Variants in MYRIP observed in about 807,000 individuals in gnomAD.
The protein encoded by MYRIP is myosin VIIA and Rab interacting protein.
Under a neutral mutation model 98.0 loss-of-function variants are expected in MYRIP, and 49 were observed. The observed-to-expected ratio is 0.50, with a 90% CI of 0.40 to 0.63. MYRIP has a LOEUF of 0.63. MYRIP is among the 30% of genes least tolerant of loss of function. The pLI, the probability that MYRIP is intolerant of heterozygous loss-of-function variation, is 0.00. For missense variants in MYRIP, 1,004 were observed against 1,058.2 expected, an observed-to-expected ratio of 0.95 and a Z score of 0.71; for synonymous variants, 404 against 409.5, an observed-to-expected ratio of 0.99 and a Z score of 0.16.
At chr3:40,116,334 C>G (rs1255008224) in intron 3 of MYRIP, among the ~76,000 whole-genome samples, 3 of 152,162 alleles carry the variant, frequency 2.0e-5, no homozygotes, top group African/African-American at 7.2e-5. Context: ...GAACAACTTA[C>G]ATTGCCCCCC....
At chr3:40,036,257 A>G (rs1947379794) in intron 2 of MYRIP, among the ~76,000 whole-genome samples, 1 of 147,492 alleles carries the variant, frequency 6.8e-6, no homozygotes, top group African/African-American at 2.5e-5. Context: ...GTCTTCTACA[A>G]AGGAAGAATT....
chr3:40,114,387 G>T (rs1489436641), intron 3 of MYRIP, among the ~76,000 whole-genome samples: 1 of 152,184 alleles, frequency 6.6e-6, no homozygotes, highest in Non-Finnish European at 1.5e-5. Context: ...ATTCTATGAT[G>T]CTCTCACAAT....
chr3:40,208,972 A>T (rs2125663896), intron 10 of MYRIP: 1 of 152,354 alleles, frequency 6.6e-6, no homozygotes, highest in Middle Eastern at 3.4e-3. Context: ...ACAGTAAGAG[A>T]ACTGTAGTTA....
At chr3:40,084,998 G>A (rs937358695) in intron 3 of MYRIP, among the ~76,000 whole-genome samples, 6 of 150,438 alleles carry the variant, frequency 4.0e-5, no homozygotes, top group African/African-American at 1.5e-4. Flanking sequence ...ATATATATCT[G>A]TGTTATATAT....
At position 40,183,649 on chromosome 3, in the gene MYRIP, C is replaced by T. The variant is rs114035963; in HGVS notation, c.1027+1276C>T. On this transcript the variant is annotated intron_variant, in intron 9 of 16. Transcript: ENST00000302541. ...TTCCCCCAACCCCTGCACAGGTCTA[C>T]TCCTCTCTTCCTATTTCCTGCATAC... is the stretch of plus-strand genomic sequence containing the variant. Among the ~76,000 whole-genome samples, 749 of 152,324 alleles carry T rather than the reference C, an allele frequency of 4.9e-3. 10 individuals are homozygous for T. The highest frequency in any genetic ancestry group is 0.017 in the African/African-American group (727 of 41,576).
chr3:39,915,027 C>T lies in MYRIP; in HGVS notation c.110+14101C>T, dbSNP rs1188681864. ...TGATTTACATATTTTGTCATTGGAT[C>T]ATAACATTTCTACATGGAAGAACAA... On this transcript the variant is annotated intron_variant, in intron 2 of 16. Transcript: ENST00000302541. 2.6e-5 allele frequency among the ~76,000 whole-genome samples: 4 copies of T among 151,982 alleles called. No individual in the cohort carries two copies. The East Asian group carries it at 7.7e-4, about 29-fold the overall frequency.
intron 2 of MYRIP, among the ~76,000 whole-genome samples, chr3:39,916,410 A>AC (rs1031113577): frequency 3.6e-5 from 3 of 83,926 alleles, no homozygotes; most frequent in Non-Finnish European, 7.3e-5. Flanking sequence ...ATTGAGAACA[A>AC]AAAAAAAAAA....
chr3:40,187,567 A>G (rs980307818), intron 9 of MYRIP, among the ~76,000 whole-genome samples: 2 of 152,226 alleles, frequency 1.3e-5, no homozygotes, highest in Admixed American at 6.5e-5. Flanking sequence ...CGAGGCACAG[A>G]GGATCACATA....
At chr3:40,211,639 G>A (rs1030486149) in intron 11 of MYRIP, among the ~76,000 whole-genome samples, 1 of 152,124 alleles carries the variant, frequency 6.6e-6, no homozygotes, top group African/African-American at 2.4e-5. Flanking sequence ...TTGTACGCTG[G>A]AGCTTAGAGC....
chr3:40,161,343 C>T (rs1204380801), intron 4 of MYRIP, among the ~76,000 whole-genome samples: 2 of 152,172 alleles, frequency 1.3e-5, no homozygotes, highest in Non-Finnish European at 2.9e-5. Context: ...CAGGGCTTGT[C>T]CTCTGGTGAG....
intron 1 of MYRIP, among the ~76,000 whole-genome samples, chr3:39,866,646 C>A (rs1405734967): frequency 6.6e-6 from 1 of 152,032 alleles, no homozygotes; most frequent in Admixed American, 6.6e-5. Flanking sequence ...AAGATCTGTA[C>A]ATTGAAAATT....
chr3:40,239,735 C>A (rs1334087736), intron 12 of MYRIP, among the ~76,000 whole-genome samples: 198 of 147,136 alleles, frequency 1.3e-3, no homozygotes, highest in Non-Finnish European at 2.0e-3. Context: ...ATGTCCTTTG[C>A]CCACTTTTTG....
intron 1 of MYRIP, among the ~76,000 whole-genome samples, chr3:39,882,195 A>G (rs1213656185): frequency 6.6e-6 from 1 of 152,020 alleles, no homozygotes; most frequent in African/African-American, 2.4e-5. Flanking sequence ...TTGAAGACCC[A>G]TGGGTTTATG....
At chr3:39,902,872 C>T (rs1341842841) in intron 2 of MYRIP, among the ~76,000 whole-genome samples, 1 of 152,230 alleles carries the variant, frequency 6.6e-6, no homozygotes, top group Middle Eastern at 3.4e-3. Flanking sequence ...AAATGGGCAC[C>T]GTCTATCTCA....
chr3:39,927,689 T>G (rs1575386820), intron 2 of MYRIP, among the ~76,000 whole-genome samples: 1 of 152,028 alleles, frequency 6.6e-6, no homozygotes, highest in Non-Finnish European at 1.5e-5. Context: ...TAACTCATTC[T>G]GCAAAGTCAG....
chr3:39,918,093 A>AT (rs1263455537), intron 2 of MYRIP, among the ~76,000 whole-genome samples: 3 of 151,848 alleles, frequency 2.0e-5, no homozygotes, highest in Non-Finnish European at 2.9e-5. Flanking sequence ...CGCCCAGCTA[A>AT]TTTTTTGTAT....
intron 1 of MYRIP, among the ~76,000 whole-genome samples, chr3:39,845,554 C>T (rs756563441): frequency 6.6e-6 from 1 of 152,132 alleles, no homozygotes; most frequent in Non-Finnish European, 1.5e-5. Context: ...GGGCACTTTG[C>T]GTATCTTATT....
At chr3:39,858,432 C>T (rs1185950127) in intron 1 of MYRIP, among the ~76,000 whole-genome samples, 1 of 151,936 alleles carries the variant, frequency 6.6e-6, no homozygotes, top group Non-Finnish European at 1.5e-5. Flanking sequence ...AATAGCAATG[C>T]AGTAACAGTA....
At chr3:39,859,113 A>G (rs1349082099) in intron 1 of MYRIP, among the ~76,000 whole-genome samples, 4 of 71,306 alleles carry the variant, frequency 5.6e-5, no homozygotes, top group Non-Finnish European at 1.3e-4. Flanking sequence ...GTTTTTTGAA[A>G]AAAAAAAAAA....
Sources: allele counts gnomAD v4.1 joint callset (sites outside exome capture counted in the v4.1 genomes callset), GRCh38; gene constraint gnomAD v4.1.1; transcripts MANE v1.5; gene names NCBI Gene and HGNC (gene_info 2026-07-23, HGNC 2026-07-21).